KIFAP3: variants seen among roughly 807,000 people sequenced by gnomAD.
The protein encoded by KIFAP3 is kinesin associated protein 3, also known as kinesin-associated protein 3.
Under a neutral mutation model 106.5 loss-of-function variants are expected in KIFAP3, and 68 were observed. The observed-to-expected ratio is 0.64, with a 90% CI of 0.53 to 0.78. KIFAP3 has a LOEUF of 0.78. Among genes scored for constraint, KIFAP3 ranks in the 30% least tolerant of loss-of-function variants. The pLI is 0.00. For missense variants in KIFAP3, 780 were observed against 941.8 expected (o/e 0.83, Z 2.25); for synonymous variants, 320 against 311.5 (o/e 1.03, Z -0.29).
rs1465149754 is a variant in KIFAP3, at chr1:170,038,291, A to G, written c.516T>C (p.Asn172=). 3 of 1,591,796 alleles carry G rather than the reference A, an allele frequency of 1.9e-6. No homozygotes were observed. The African/African-American group carries it at 4.1e-5, about 22-fold the overall frequency. The change falls in exon 5 of 20, where the codon AAT becomes AAC. Residue 172 remains asparagine, a splice_region_variant and synonymous_variant. Transcript: ENST00000361580. ...NPDNLEELLL[N]ETALGALARV... is the part of the protein sequence containing the mutation. ...TTAAACATGTTTTATAGTAATCACC[A>G]TTCAATAGTAGTTCTTCCAAGTTAT...
chr1:169,996,283 A>G (rs1219896449), intron 10 of KIFAP3, among the ~76,000 whole-genome samples: 1 of 152,156 alleles, frequency 6.6e-6, no homozygotes, highest in Non-Finnish European at 1.5e-5. Context: ...ATACGTTTCC[A>G]ATTTCCTATA....
At chr1:170,000,654 T>C (rs1378002695) in intron 10 of KIFAP3, among the ~76,000 whole-genome samples, 1 of 152,156 alleles carries the variant, frequency 6.6e-6, no homozygotes, top group Admixed American at 6.6e-5. Flanking sequence ...GCTTAACTTA[T>C]TAGAGCATAT....
At chr1:169,934,721 A>G (rs989054) in intron 19 of KIFAP3, among the ~76,000 whole-genome samples, 2,263 of 152,252 alleles carry the variant, frequency 0.015, 56 homozygotes, top group African/African-American at 0.051. Context: ...AATGCACCAT[A>G]CATTTTTGAG....
At chr1:170,016,665 C>T (rs1229900406) in intron 9 of KIFAP3, 41 bp from the exon 10 acceptor site, 2 of 1,151,242 alleles carry the variant, frequency 1.7e-6, no homozygotes, top group African/African-American at 1.6e-5. Context: ...AGTTCTGTTG[C>T]AAAATAGGAC....
At position 169,992,207 on chromosome 1, in the gene KIFAP3, CT is replaced by C; in HGVS notation, c.1231del (p.Ser411AlafsTer19). 1 of 1,586,458 alleles carries C rather than the reference CT, an allele frequency of 6.3e-7. No individual in the cohort carries two copies. Among genetic ancestry groups the C allele is most frequent in the African/African-American group, 1.4e-5 (1 of 73,486 alleles). On this transcript the variant is annotated frameshift_variant, in exon 11 of 20. Coordinates refer to ENST00000361580, the MANE Select transcript of KIFAP3 (RefSeq NM_014970.4). LOFTEE classifies it high-confidence loss of function. ...QIAMCVLYHI[S>X]MDDRFKSMFA... ...CATTGATTTAAAGCGGTCATCCATG[CT>C]TATGTGGTAAAGAACACACATTGCT...
chr1:169,999,403 C>T (rs1027933977), intron 10 of KIFAP3, among the ~76,000 whole-genome samples: 67 of 152,276 alleles, frequency 4.4e-4, no homozygotes, highest in African/African-American at 1.3e-3. Flanking sequence ...TATTCCCTAA[C>T]GGCATCCCAA....
intron 18 of KIFAP3, among the ~76,000 whole-genome samples, 166 bp downstream of exon 18, chr1:169,960,880 G>T (rs757784384): frequency 1.8e-4 from 28 of 151,790 alleles, no homozygotes; most frequent in Non-Finnish European, 3.2e-4. Flanking sequence ...AAAATGGTAA[G>T]TTAATAGGTT....
intron 9 of KIFAP3, among the ~76,000 whole-genome samples, chr1:170,021,159 T>C (rs1202484878): frequency 6.6e-6 from 1 of 152,150 alleles, no homozygotes; most frequent in African/African-American, 2.4e-5. Flanking sequence ...ACGCAACATA[T>C]ATCCTCTCTG....
At chr1:170,071,789 T>G (rs1271158213) in intron 1 of KIFAP3, among the ~76,000 whole-genome samples, 1 of 152,164 alleles carries the variant, frequency 6.6e-6, no homozygotes, top group Admixed American at 6.5e-5. Flanking sequence ...GGGACCAAGT[T>G]TTAACATGAG....
chr1:169,925,313 G>T (rs1473846369), intron 19 of KIFAP3, among the ~76,000 whole-genome samples: 1 of 151,832 alleles, frequency 6.6e-6, no homozygotes, highest in African/African-American at 2.4e-5. Context: ...AAAGAAAATG[G>T]TTATTGTTTA....
At chr1:170,003,472 G>A (rs953131433) in intron 10 of KIFAP3, among the ~76,000 whole-genome samples, 1 of 152,166 alleles carries the variant, frequency 6.6e-6, no homozygotes, top group African/African-American at 2.4e-5. Flanking sequence ...TAGGCTACTC[G>A]GGAGTCAGGG....
chr1:169,980,225 T>C (rs1001991613), intron 15 of KIFAP3, among the ~76,000 whole-genome samples: 49 of 151,936 alleles, frequency 3.2e-4, no homozygotes, highest in Admixed American at 2.6e-3. Context: ...CATTGAGCTA[T>C]ACTTACAATT....
At chr1:170,075,287 T>C (rs1671876852), upstream of KIFAP3, among the ~76,000 whole-genome samples, 1 of 152,236 alleles carries the variant, frequency 6.6e-6, no homozygotes, top group Non-Finnish European at 1.5e-5. Flanking sequence ...TAACTGCATG[T>C]TCTCTGGTTT....
At chr1:169,965,427 T>C (rs1013257870) in intron 17 of KIFAP3, among the ~76,000 whole-genome samples, 5 of 152,120 alleles carry the variant, frequency 3.3e-5, no homozygotes, top group Admixed American at 6.5e-5. Flanking sequence ...GCATATAAAA[T>C]ATGTGGTCTG....
At chr1:169,968,354 G>A (rs754708597) in intron 17 of KIFAP3, among the ~76,000 whole-genome samples, 5 of 151,794 alleles carry the variant, frequency 3.3e-5, no homozygotes, top group East Asian at 1.9e-4. Flanking sequence ...ACTGGCTTCC[G>A]TCACACCTTG....
chr1:169,973,123 A>ATATATATATATATATATATAGACAAC (rs1553278139), intron 16 of KIFAP3, among the ~76,000 whole-genome samples: 1 of 128,666 alleles, frequency 7.8e-6, no homozygotes, highest in Non-Finnish European at 1.6e-5. Context: ...ATATATATAT[A>ATATATATATATATATATATAGACAAC]AACAACACAA....
intron 10 of KIFAP3, among the ~76,000 whole-genome samples, chr1:169,998,427 C>CA (rs1667494155): frequency 6.6e-6 from 1 of 150,982 alleles, no homozygotes; most frequent in Admixed American, 6.6e-5. Flanking sequence ...CACACACACA[C>CA]ACACACACAC....
intron 10 of KIFAP3, among the ~76,000 whole-genome samples, chr1:170,004,301 A>G (rs1185447405): frequency 1.3e-5 from 2 of 152,220 alleles, no homozygotes; most frequent in Admixed American, 6.5e-5. Context: ...TTATAGATTC[A>G]ATGCCATCGC....
intron 19 of KIFAP3, among the ~76,000 whole-genome samples, chr1:169,948,479 T>C (rs1664559707): frequency 6.6e-6 from 1 of 151,750 alleles, no homozygotes; most frequent in African/African-American, 2.4e-5. Context: ...AATGATTATT[T>C]TAAAAAGATT....
Sources: allele counts gnomAD v4.1 joint callset (sites outside exome capture counted in the v4.1 genomes callset), GRCh38; gene constraint gnomAD v4.1.1; transcripts MANE v1.5; gene names NCBI Gene and HGNC (gene_info 2026-07-23, HGNC 2026-07-21).